The following PTPRK variants were observed in gnomAD, a reference collection of about 807,000 sequenced individuals.
The protein encoded by PTPRK is protein tyrosine phosphatase receptor type K.
In PTPRK, 75 loss-of-function variants were observed where a neutral mutation model predicts 178.0. The observed-to-expected ratio is 0.42, with a 90% CI of 0.35 to 0.51. The LOEUF (loss-of-function observed/expected upper bound fraction) is 0.51, where lower values mean the gene tolerates loss of function less well. Among genes scored for constraint, PTPRK ranks in the 20% least tolerant of loss-of-function variants. The pLI, the probability that PTPRK is intolerant of heterozygous loss-of-function variation, is 0.02. For synonymous variants in PTPRK, 637 were observed against 620.6 expected, an observed-to-expected ratio of 1.03 and a Z score of -0.39; for missense variants, 1,441 against 1,797.8, an observed-to-expected ratio of 0.80 and a Z score of 3.59.
At chr6:128,280,727 A>G (rs192381756) in intron 3 of PTPRK, among the ~76,000 whole-genome samples, 1 of 152,314 alleles carries the variant, frequency 6.6e-6, no homozygotes. Context: ...AAACAATATC[A>G]AAATAAAGTG....
intron 5 of PTPRK, among the ~76,000 whole-genome samples, chr6:128,237,272 T>C (rs1356930340): frequency 6.6e-6 from 1 of 152,206 alleles, no homozygotes; most frequent in African/African-American, 2.4e-5. Flanking sequence ...ACATATAAAG[T>C]TGATTGCCAT....
At chr6:128,481,290 C>T (rs2128423986) in intron 1 of PTPRK, among the ~76,000 whole-genome samples, 1 of 152,206 alleles carries the variant, frequency 6.6e-6, no homozygotes, top group East Asian at 1.9e-4. Context: ...TGGCCACTTC[C>T]CTTACCTCAT....
intron 13 of PTPRK, among the ~76,000 whole-genome samples, chr6:128,013,826 C>T (rs1250100252): frequency 6.6e-6 from 1 of 151,498 alleles, no homozygotes; most frequent in Non-Finnish European, 1.5e-5. Context: ...CACACAGCAG[C>T]CACCTATGTT....
At chr6:128,239,211 G>T (rs565995719) in intron 5 of PTPRK, among the ~76,000 whole-genome samples, 1 of 140,580 alleles carries the variant, frequency 7.1e-6, no homozygotes, top group African/African-American at 2.7e-5. Flanking sequence ...TCATTCTGAT[G>T]CAGAGAACCT....
At chr6:128,423,815 AAG>A (rs1311606859) in intron 1 of PTPRK, among the ~76,000 whole-genome samples, 1 of 151,950 alleles carries the variant, frequency 6.6e-6, no homozygotes, top group East Asian at 1.9e-4. Flanking sequence ...GTGACAGAGC[AAG>A]AGTCTGTCTC....
chr6:128,467,888 A>G (rs1356356364), intron 1 of PTPRK, among the ~76,000 whole-genome samples: 30 of 151,630 alleles, frequency 2.0e-4, no homozygotes, highest in Admixed American at 2.0e-3. Flanking sequence ...TGGCCATTAA[A>G]TGTTGGAATT....
chr6:128,007,849 G>A (rs548277920), intron 14 of PTPRK, among the ~76,000 whole-genome samples: 6 of 150,926 alleles, frequency 4.0e-5, no homozygotes, highest in Non-Finnish European at 7.4e-5. Context: ...AAACTAAACA[G>A]AGACATAAGG....
At chr6:128,267,432 T>TA (rs1819137517) in intron 3 of PTPRK, among the ~76,000 whole-genome samples, 1 of 152,050 alleles carries the variant, frequency 6.6e-6, no homozygotes, top group African/African-American at 2.4e-5. Context: ...ATAGCCATAA[T>TA]AAAAATAGAG....
chr6:128,415,106 G>A (rs1324517426), intron 1 of PTPRK, among the ~76,000 whole-genome samples: 1 of 152,098 alleles, frequency 6.6e-6, no homozygotes, highest in Non-Finnish European at 1.5e-5. Context: ...AAATGGCAGG[G>A]ACTCTTCAGA....
chr6:128,082,828 A>T (rs1444843945), intron 9 of PTPRK, among the ~76,000 whole-genome samples, 190 bp from the exon 10 acceptor site: 1 of 151,952 alleles, frequency 6.6e-6, no homozygotes, highest in Non-Finnish European at 1.5e-5. Context: ...TCAATCAATC[A>T]TCTATCTACA....
chr6:128,497,705 T>C (rs1037245105), intron 1 of PTPRK, among the ~76,000 whole-genome samples: 1 of 152,140 alleles, frequency 6.6e-6, no homozygotes, highest in Non-Finnish European at 1.5e-5. Context: ...TGTTAATACA[T>C]CCATATTTTG....
chr6:128,064,851 T>C (rs1781485685), intron 12 of PTPRK, 57 bp from the exon 13 acceptor site: 1 of 1,512,916 alleles, frequency 6.6e-7, no homozygotes, highest in East Asian at 2.4e-5. Flanking sequence ...GTTTCCTGTT[T>C]CATAAACTAT....
At chr6:128,345,983 A>G (rs536946426) in intron 2 of PTPRK, among the ~76,000 whole-genome samples, 2 of 152,310 alleles carry the variant, frequency 1.3e-5, no homozygotes, top group South Asian at 4.1e-4. Context: ...TTTAAGTTAT[A>G]TTGTAAAAGG....
chr6:128,187,382 T>A (rs1230341716), intron 6 of PTPRK, among the ~76,000 whole-genome samples: 1 of 152,122 alleles, frequency 6.6e-6, no homozygotes, highest in Non-Finnish European at 1.5e-5. Context: ...GGAAACCTAA[T>A]ATGAAAAAAA....
In PTPRK at chr6:128,067,654, G is replaced by C. The variant is rs35030557; in HGVS notation, c.2022C>G (p.Leu674=). 6.2e-7 allele frequency: 1 copy of C among 1,613,260 alleles called. No homozygotes were observed. Among genetic ancestry groups the C allele is most frequent in the Non-Finnish European group, 8.5e-7 (1 of 1,179,600 alleles). Residue 674 remains leucine, a synonymous_variant, in exon 12 of 30, where the codon CTC becomes CTG. Transcript: ENST00000368226. ...CAGGCTCAGGTAGGTTTCCCGGGGGGAGTTCTGCAGCAAAGTAATACGGTG... is the reference window on the plus strand; with the variant it reads ...CAGGCTCAGGTAGGTTTCCCGGGGGCAGTTCTGCAGCAAAGTAATACGGTG... ...GGAPYYFAAE[L]PPGNLPEPAP...
intron 2 of PTPRK, among the ~76,000 whole-genome samples, chr6:128,346,122 A>T (rs1350651387): frequency 6.6e-6 from 1 of 152,142 alleles, no homozygotes; most frequent in African/African-American, 2.4e-5. Context: ...AAAGAAGGAT[A>T]CAAGGATATT....
rs185958473 is a variant in PTPRK, at chr6:128,039,825, A to G, written c.2194+24933T>C. Among the ~76,000 whole-genome samples, 282 of 152,208 alleles carry G rather than the reference A, an allele frequency of 1.9e-3. 2 individuals carry two copies. The highest frequency in any genetic ancestry group is 6.5e-3 in the African/African-American group (268 of 41,542). ...CTACAACCCTCTTCTTTGGAGCACA[A>G]TGTCTGATTTAGTGCATTACAGACA... is the stretch of plus-strand genomic sequence containing the variant. On this transcript the variant is annotated intron_variant, in intron 13 of 29. Transcript: ENST00000368226.
At chr6:127,991,090 A>G (rs1358960328) in intron 20 of PTPRK, among the ~76,000 whole-genome samples, 1 of 152,024 alleles carries the variant, frequency 6.6e-6, no homozygotes, top group Non-Finnish European at 1.5e-5. Flanking sequence ...AGATTCCAGT[A>G]CAAAATTAAA....
intron 3 of PTPRK, among the ~76,000 whole-genome samples, chr6:128,256,397 T>C (rs1017069600): frequency 6.6e-6 from 1 of 151,702 alleles, no homozygotes; most frequent in African/African-American, 2.4e-5. Flanking sequence ...ATGACATATG[T>C]AGAGCAATAA....
Sources: gnomAD v4.1 joint callset for allele counts (sites outside exome capture counted in the v4.1 genomes callset) on GRCh38, gnomAD v4.1.1 for gene constraint, MANE v1.5 for transcripts, NCBI Gene and HGNC (gene_info 2026-07-23, HGNC 2026-07-21) for gene names.